RPS6KB1: variants seen among roughly 807,000 people sequenced by gnomAD.
RPS6KB1 encodes ribosomal protein S6 kinase B1, also known as ribosomal protein S6 kinase beta-1.
In RPS6KB1, 12 loss-of-function variants were observed where a neutral mutation model predicts 70.2. The ratio of observed to expected loss-of-function variants is 0.17; its 90% confidence interval spans 0.11 to 0.28. RPS6KB1 has a LOEUF of 0.28. Among genes scored for constraint, RPS6KB1 ranks in the 10% least tolerant of loss-of-function variants. RPS6KB1 has a pLI of 1.00. For missense variants in RPS6KB1, 270 were observed against 646.6 expected (o/e 0.42, Z 6.32); for synonymous variants, 175 against 211.2 (o/e 0.83, Z 1.49).
chr17:59,910,623 T>G lies in RPS6KB1; in HGVS notation c.191+12T>G. On this transcript the variant is annotated intron_variant, in intron 2 of 14. Transcript: ENST00000225577. ...GGACCATATGAACTGTAAGTTTATA[T>G]GAAGAGATTTTCATTGTGTTGTCTT... 1 of 1,543,576 alleles carries G rather than the reference T, an allele frequency of 6.5e-7. No homozygotes were observed. Among genetic ancestry groups the G allele is most frequent in the Non-Finnish European group, 8.9e-7 (1 of 1,126,382 alleles).
rs147966470 is a variant in RPS6KB1 at position 59,938,384 on chromosome 17, G to T, written c.1119+1843G>T. On this transcript the variant is annotated intron_variant, in intron 12 of 14. Transcript: ENST00000225577. ...TGTGTTGCCCCACCTAATTTTTTTTGTTGTTGTTGTTTTTCCATTTTTTTT... is the reference window on the plus strand; with the variant it reads ...TGTGTTGCCCCACCTAATTTTTTTTTTTGTTGTTGTTTTTCCATTTTTTTT... 2.0e-4 allele frequency among the ~76,000 whole-genome samples: 30 copies of T among 148,840 alleles called. 1 individual carries two copies. Among genetic ancestry groups the T allele is most frequent in the African/African-American group, 4.5e-4 (18 of 40,366 alleles).
intron 4 of RPS6KB1, among the ~76,000 whole-genome samples, chr17:59,916,648 G>A (rs1157736819): frequency 6.6e-6 from 1 of 152,132 alleles, no homozygotes; most frequent in Non-Finnish European, 1.5e-5. Context: ...CATCTGGAGT[G>A]GTAGCTCTTT....
At chr17:59,942,958 G>A (rs761071614) in intron 13 of RPS6KB1, among the ~76,000 whole-genome samples, 3 of 151,116 alleles carry the variant, frequency 2.0e-5, no homozygotes, top group East Asian at 1.9e-4. Flanking sequence ...CAGCCTGAGC[G>A]ATAGAGTGAG....
At chr17:59,923,991 G>A (rs1488459765) in intron 4 of RPS6KB1, among the ~76,000 whole-genome samples, 2 of 152,026 alleles carry the variant, frequency 1.3e-5, no homozygotes, top group Non-Finnish European at 2.9e-5. Flanking sequence ...GCAATTTTTT[G>A]TGTGCTTACA....
Position 59,946,728 on chromosome 17 carries a change from C to T in RPS6KB1, c.1518C>T (p.Tyr506=). 1 of 1,613,968 alleles carries T rather than the reference C, an allele frequency of 6.2e-7. No homozygotes were observed. The highest frequency in any genetic ancestry group is 1.1e-5 in the South Asian group (1 of 91,072). The change falls in exon 15 of 15, where the codon TAC becomes TAT. Residue 506 remains tyrosine, a synonymous_variant. Transcript: ENST00000225577. The surrounding 1 kb of genome is among the most constrained non-coding windows in gnomAD (Gnocchi z 4.2). ...LPIRQPNSGP[Y]KKQAFPMISK... ...TACGACAGCCGAACTCTGGGCCATA[C>T]AAAAAACAAGCTTTTCCCATGATCT...
intron 1 of RPS6KB1, among the ~76,000 whole-genome samples, chr17:59,904,973 G>A (rs145383999): frequency 1.8e-4 from 28 of 152,002 alleles, no homozygotes; most frequent in African/African-American, 5.3e-4. Context: ...GGGATTACAG[G>A]CCTGAGCGAC....
At chr17:59,922,331 G>A (rs1239002375) in intron 4 of RPS6KB1, among the ~76,000 whole-genome samples, 2 of 151,970 alleles carry the variant, frequency 1.3e-5, no homozygotes, top group Non-Finnish European at 2.9e-5. Context: ...TTGAGCCTCC[G>A]TTCCCGGCCT....
At chr17:59,930,261 A>G in intron 6 of RPS6KB1, 87 bp downstream of exon 6, 1 of 827,596 alleles carries the variant, frequency 1.2e-6, no homozygotes, top group East Asian at 2.4e-5. Context: ...GATTCAGTAA[A>G]TTGAGCTGGA....
chr17:59,943,947 T>C (rs1312073798), intron 13 of RPS6KB1, among the ~76,000 whole-genome samples: 7 of 149,336 alleles, frequency 4.7e-5, no homozygotes, highest in African/African-American at 9.9e-5. Context: ...CACACACATA[T>C]AGTGACATCC....
intron 12 of RPS6KB1, among the ~76,000 whole-genome samples, chr17:59,939,181 TTGTG>T (rs1045863727): frequency 6.6e-5 from 10 of 151,580 alleles, no homozygotes; most frequent in Admixed American, 5.2e-4. Flanking sequence ...CCAATGAACT[TTGTG>T]TGTGTGTGTT....
intron 6 of RPS6KB1, 88 bp from the exon 7 acceptor site, chr17:59,931,534 G>C (rs759454033): frequency 7.8e-6 from 8 of 1,027,944 alleles, no homozygotes; most frequent in Non-Finnish European, 1.2e-5. Flanking sequence ...GTGCATGTCT[G>C]TTTCTTTCAA....
chr17:59,902,578 CTTT>C (rs559757964), intron 1 of RPS6KB1, among the ~76,000 whole-genome samples: 5 of 134,330 alleles, frequency 3.7e-5, no homozygotes, highest in Admixed American at 1.5e-4. Flanking sequence ...TTTTTTGTTT[CTTT>C]TTTTTTTTTT....
At chr17:59,930,600 T>G (rs1316662186) in intron 6 of RPS6KB1, among the ~76,000 whole-genome samples, 3 of 152,176 alleles carry the variant, frequency 2.0e-5, no homozygotes, top group Non-Finnish European at 4.4e-5. Context: ...AGATTGATTA[T>G]GTAGTCAGGG....
At chr17:59,925,823 T>G (rs1242720475) in intron 4 of RPS6KB1, among the ~76,000 whole-genome samples, 5 of 152,166 alleles carry the variant, frequency 3.3e-5, no homozygotes, top group Non-Finnish European at 7.3e-5. Flanking sequence ...TTTTTTACCC[T>G]TTTTGTGGAG....
Position 59,926,495 on chromosome 17 carries a change from G to A in RPS6KB1, c.442G>A (p.Glu148Lys). 1.9e-6 allele frequency: 3 copies of A among 1,611,584 alleles called. No individual in the cohort carries two copies. The highest frequency in any genetic ancestry group is 2.5e-6 in the Non-Finnish European group (3 of 1,177,894). The change falls in exon 5 of 15, where the codon GAG becomes AAG. Residue 148 changes from glutamate to lysine, a missense_variant. Glu to Lys is a moderately conservative substitution (Grantham distance 56, BLOSUM62 1). Coordinates refer to ENST00000225577, the MANE Select transcript of RPS6KB1 (RefSeq NM_003161.4). Reference protein sequence around the residue: ...AHTKAERNILEEVKHPFIVDL... With the variant: ...AHTKAERNILKEVKHPFIVDL... ...TACAAAAGCAGAACGGAATATTCTGGAGGAAGTAAAGCATCCCTTCATCGT... is the reference window on the plus strand; with the variant it reads ...TACAAAAGCAGAACGGAATATTCTGAAGGAAGTAAAGCATCCCTTCATCGT...
At chr17:59,894,016 C>G in intron 1 of RPS6KB1, 30 of 850,278 alleles carry the variant, frequency 3.5e-5, no homozygotes, top group Non-Finnish European at 4.2e-5. Flanking sequence ...TAACCTTTCC[C>G]CAAGTTGAAG....
chr17:59,910,452 T>G, intron 1 of RPS6KB1, 110 bp from the exon 2 acceptor site: 1 of 650,090 alleles, frequency 1.5e-6, no homozygotes, highest in Non-Finnish European at 2.6e-6. Context: ...ATAAGAGAAT[T>G]GTTAGGCTGG....
intron 13 of RPS6KB1, among the ~76,000 whole-genome samples, chr17:59,941,932 C>T (rs935514177): frequency 3.3e-5 from 5 of 150,934 alleles, no homozygotes; most frequent in African/African-American, 1.2e-4. Flanking sequence ...AATCTCAGCT[C>T]ACTGCAAGCT....
In RPS6KB1 at chr17:59,893,355, G is replaced by T. The variant is rs780893653; in HGVS notation, c.141+30G>T. ...GGCCCGGGGTCCCCGGGGGCCCGAG[G>T]TGACAGGGCCGGGGCGGCGGCGCGG... is the stretch of plus-strand genomic sequence containing the variant. On this transcript the variant is annotated intron_variant, in intron 1 of 14. Transcript: ENST00000225577. The surrounding 1 kb of genome is among the most constrained non-coding windows in gnomAD (Gnocchi z 4.1). The T allele has an allele frequency of 1.9e-6, 3 of 1,578,486 alleles. No individual in the cohort carries two copies. The highest frequency in any genetic ancestry group is 2.6e-6 in the Non-Finnish European group (3 of 1,162,070).
Sources: allele counts gnomAD v4.1 joint callset (sites outside exome capture counted in the v4.1 genomes callset), GRCh38; gene constraint gnomAD v4.1.1; non-coding constraint Gnocchi (gnomAD v3.1); transcripts MANE v1.5; gene names NCBI Gene and HGNC (gene_info 2026-07-23, HGNC 2026-07-21).